The following IRAG1 variants were observed in gnomAD, a reference collection of about 807,000 sequenced individuals.
IRAG1 encodes inositol 1,4,5-triphosphate receptor associated 1.
Under a neutral mutation model 106.2 loss-of-function variants are expected in IRAG1, and 62 were observed. That is an observed-to-expected ratio of 0.58 (90% CI 0.48 to 0.72). IRAG1 has a LOEUF of 0.72. IRAG1 is among the 30% of genes least tolerant of loss of function. The pLI is 0.00. For missense variants in IRAG1, 1,064 were observed against 1,140.7 expected, an observed-to-expected ratio of 0.93 and a Z score of 0.97; for synonymous variants, 462 against 443.9, an observed-to-expected ratio of 1.04 and a Z score of -0.51.
intron 4 of IRAG1, among the ~76,000 whole-genome samples, chr11:10,630,581 C>T (rs1215504417): frequency 2.0e-5 from 3 of 152,206 alleles, no homozygotes; most frequent in Admixed American, 6.5e-5. Context: ...ATCCCATCCC[C>T]CACTGCCTAT....
intron 1 of IRAG1, among the ~76,000 whole-genome samples, chr11:10,685,656 G>A (rs1564945445): frequency 6.6e-6 from 1 of 151,506 alleles, no homozygotes; most frequent in Non-Finnish European, 1.5e-5. Context: ...GGGAGGTCAA[G>A]CCTGCAAGTC....
intron 15 of IRAG1, among the ~76,000 whole-genome samples, chr11:10,596,695 T>A (rs991322264): frequency 4.6e-5 from 7 of 152,256 alleles, no homozygotes; most frequent in Non-Finnish European, 8.8e-5. Context: ...TTAATCAATT[T>A]ATTTCTCTGA....
At chr11:10,693,476 A>C in intron 1 of IRAG1, 60 bp downstream of exon 1, 1 of 1,533,780 alleles carries the variant, frequency 6.5e-7, no homozygotes, top group Admixed American at 2.0e-5. Context: ...AAGGAAGAGA[A>C]GGTTCCCTCC....
rs998209477 is a variant in IRAG1, at chr11:10,647,975, G to C, written c.225+4050C>G. Among the ~76,000 whole-genome samples, 4 of 152,170 alleles carry C rather than the reference G, an allele frequency of 2.6e-5. No individual in the cohort carries two copies. The highest frequency in any genetic ancestry group is 4.4e-5 in the Non-Finnish European group (3 of 68,020). On this transcript the variant is annotated intron_variant, in intron 2 of 20. Transcript: ENST00000423302. The surrounding 1 kb of genome is among the most constrained non-coding windows in gnomAD (Gnocchi z 4.3). ...AGGGCAGAACCGAGGGAGAGTCTTG[G>C]GGGAGGCAGATTCCAGCCTGACCAG...
In IRAG1 at chr11:10,604,536, C is replaced by T. The variant is rs1239148078; in HGVS notation, c.1612G>A (p.Val538Met). 6.2e-7 allele frequency: 1 copy of T among 1,614,034 alleles called. No homozygotes were observed. Among genetic ancestry groups the T allele is most frequent in the African/African-American group, 1.3e-5 (1 of 75,060 alleles). The change falls in exon 13 of 21, where the codon GTG becomes ATG. Residue 538 changes from valine (V) to methionine (M), a missense_variant. Physicochemically the swap from Val to Met is conservative, Grantham distance 21 (BLOSUM62 1). Transcript: ENST00000423302. ...LTEKEVENVF[V>M]QLSLAFRNDS... is the part of the protein sequence containing the mutation. ...TTTCTAAAGGCCAAGGACAGTTGCA[C>T]AAACACGTTCTGTTGGGAACAAGGG... is the stretch of plus-strand genomic sequence containing the variant.
In IRAG1 at chr11:10,581,982, T is replaced by C; in HGVS notation, c.2245A>G (p.Lys749Glu). ...SALPALLENG[K>E]TNGDPDCEAS... ...TCACAATCTGGGTCCCCATTTGTCT[T>C]TCCACTAGTGAGAAGAGGGAAGTAC... is the stretch of plus-strand genomic sequence containing the variant. Residue 749 changes from lysine (K) to glutamate (E), a missense_variant, in exon 19 of 21, where the codon AAG becomes GAG. Coordinates refer to ENST00000423302, the MANE Select transcript of IRAG1 (RefSeq NM_130385.4). 1 of 1,613,090 alleles carries C rather than the reference T, an allele frequency of 6.2e-7. No individual in the cohort carries two copies. The highest frequency in any genetic ancestry group is 8.5e-7 in the Non-Finnish European group (1 of 1,179,404).
intron 2 of IRAG1, among the ~76,000 whole-genome samples, chr11:10,637,802 A>C (rs1857248326): frequency 1.3e-5 from 2 of 152,094 alleles, no homozygotes; most frequent in South Asian, 4.1e-4. Flanking sequence ...GTGGAACAGT[A>C]TTCACAAGGG....
chr11:10,681,726 T>C lies in IRAG1; in HGVS notation c.67+11810A>G, dbSNP rs146560962. 1.2e-4 allele frequency among the ~76,000 whole-genome samples: 19 copies of C among 152,320 alleles called. No individual in the cohort carries two copies. In the East Asian group the frequency reaches 3.7e-3, roughly 29 times the overall value. ...GACCACTGCTTATACGGTCTCTTCA[T>C]TTCAGCTTAGGAAGTGGCACCAGGG... On this transcript the variant is annotated intron_variant, in intron 1 of 20. Transcript: ENST00000423302.
intron 15 of IRAG1, among the ~76,000 whole-genome samples, chr11:10,599,307 A>C (rs751610802): frequency 5.9e-5 from 9 of 152,176 alleles, no homozygotes; most frequent in South Asian, 2.1e-4. Flanking sequence ...GTACTCAATA[A>C]ATGTCTGTAG....
At chr11:10,616,944 C>T (rs1352283195) in intron 10 of IRAG1, 1 of 777,584 alleles carries the variant, frequency 1.3e-6, no homozygotes, top group Non-Finnish European at 1.6e-6. Flanking sequence ...ATGTCAGGGA[C>T]TTGGAAAAAT....
chr11:10,639,760 T>C (rs993083847), intron 2 of IRAG1, among the ~76,000 whole-genome samples: 2 of 152,218 alleles, frequency 1.3e-5, no homozygotes, highest in Non-Finnish European at 1.5e-5. Flanking sequence ...ATTGTCTTCA[T>C]TTGTTTGTAT....
At chr11:10,597,440 C>T (rs963229198) in intron 15 of IRAG1, among the ~76,000 whole-genome samples, 2 of 152,314 alleles carry the variant, frequency 1.3e-5, no homozygotes, top group Middle Eastern at 3.4e-3. Flanking sequence ...ATCCTCCCAC[C>T]TTAGCCTCCT....
At chr11:10,663,014 G>A (rs1332317609) in intron 1 of IRAG1, among the ~76,000 whole-genome samples, 3 of 152,086 alleles carry the variant, frequency 2.0e-5, no homozygotes, top group East Asian at 3.9e-4. Flanking sequence ...TGGATCTCCC[G>A]GCCTCTGAAC....
At chr11:10,681,303 A>C (rs1861238896) in intron 1 of IRAG1, among the ~76,000 whole-genome samples, 1 of 152,244 alleles carries the variant, frequency 6.6e-6, no homozygotes, top group Non-Finnish European at 1.5e-5. Context: ...TCTGAGCAGT[A>C]AATGTCTAAC....
chr11:10,636,925 CTA>C, intron 2 of IRAG1, among the ~76,000 whole-genome samples: 1 of 152,264 alleles, frequency 6.6e-6, no homozygotes. Context: ...GGTGCATGGA[CTA>C]TGACATGTGA....
Position 10,657,882 on chromosome 11 carries a change from A to G in IRAG1, c.68-5700T>C, listed in dbSNP as rs1859045154. Among the ~76,000 whole-genome samples the G allele has an allele frequency of 6.6e-6, 1 of 152,186 alleles. No homozygotes were observed. The highest frequency in any genetic ancestry group is 2.1e-4 in the South Asian group (1 of 4,830). Reference sequence around the variant, plus strand: ...CGAGGCCCAGAGGGGCAGGCATGTGACCAAGGCCACATCTATGAGTGAGGG... The same window carrying G: ...CGAGGCCCAGAGGGGCAGGCATGTGGCCAAGGCCACATCTATGAGTGAGGG... On this transcript the variant is annotated intron_variant, in intron 1 of 20. Transcript: ENST00000423302. The surrounding 1 kb of genome is among the most constrained non-coding windows in gnomAD (Gnocchi z 4.1).
At chr11:10,693,466 A>G in intron 1 of IRAG1, 70 bp downstream of exon 1, 1 of 1,532,176 alleles carries the variant, frequency 6.5e-7, no homozygotes. Flanking sequence ...CTGTACCTTT[A>G]AGGAAGAGAA....
At chr11:10,600,711 T>G (rs1853900217) in intron 15 of IRAG1, among the ~76,000 whole-genome samples, 1 of 152,218 alleles carries the variant, frequency 6.6e-6, no homozygotes, top group African/African-American at 2.4e-5. Flanking sequence ...GGAAGTCACT[T>G]TGGAAAGGCT....
rs934306984 is a variant in IRAG1, at chr11:10,575,139, T to C, written c.*1193A>G. ...ACCTCTACAAAACTGATGAAGGCAG[T>C]GGCTGTAAAAGTGGGGAGAGAAGTC... On this transcript the variant is annotated 3_prime_UTR_variant, in exon 21 of 21. Transcript: ENST00000423302. 6.6e-6 allele frequency: 1 copy of C among 152,022 alleles called. No homozygotes were observed. Among genetic ancestry groups the C allele is most frequent in the Non-Finnish European group, 1.5e-5 (1 of 68,012 alleles). 9.4% of individuals were successfully genotyped at this position (152,022 alleles called of 1,614,324 possible). A position where few individuals can be genotyped will look rare whatever the true frequency, so the allele number is the denominator to read the frequency against.
Sources: gnomAD v4.1 joint callset for allele counts (sites outside exome capture counted in the v4.1 genomes callset) on GRCh38, gnomAD v4.1.1 for gene constraint, Gnocchi (gnomAD v3.1) non-coding constraint, MANE v1.5 for transcripts, NCBI Gene and HGNC (gene_info 2026-07-23, HGNC 2026-07-21) for gene names.